FGF14: variants seen among roughly 807,000 people sequenced by gnomAD.
FGF14 encodes fibroblast growth factor homologous factor 4.
Under a neutral mutation model 25.5 loss-of-function variants are expected in FGF14, and 5 were observed. That is an observed-to-expected ratio of 0.20 (90% confidence interval 0.10 to 0.41). The LOEUF (loss-of-function observed/expected upper bound fraction) is 0.41, where lower values mean the gene tolerates loss of function less well. Among genes scored for constraint, FGF14 ranks in the 10% least tolerant of loss-of-function variants. FGF14 has a pLI of 1.00. For missense variants in FGF14, 222 were observed against 320.1 expected (o/e 0.69, Z 2.34); for synonymous variants, 138 against 118.3 (o/e 1.17, Z -1.08).
At chr13:102,371,252 G>A (rs774028308) in intron 1 of FGF14, among the ~76,000 whole-genome samples, 1 of 152,128 alleles carries the variant, frequency 6.6e-6, no homozygotes, top group Non-Finnish European at 1.5e-5. Flanking sequence ...TCTTTAAATC[G>A]AATCACCAAC....
intron 1 of FGF14, among the ~76,000 whole-genome samples, chr13:102,309,403 G>A (rs2055603882): frequency 1.3e-5 from 2 of 152,078 alleles, no homozygotes; most frequent in African/African-American, 4.8e-5. Flanking sequence ...GAAATGACGG[G>A]GCTATCAGCC....
chr13:102,296,874 T>A (rs1172621440), intron 1 of FGF14, among the ~76,000 whole-genome samples: 2 of 152,128 alleles, frequency 1.3e-5, no homozygotes, highest in Non-Finnish European at 2.9e-5. Flanking sequence ...ATCATGGAGA[T>A]AACATAGCTG....
At chr13:102,035,002 C>G (rs1327785048) in intron 1 of FGF14, among the ~76,000 whole-genome samples, 1 of 152,048 alleles carries the variant, frequency 6.6e-6, no homozygotes, top group Non-Finnish European at 1.5e-5. Flanking sequence ...GTGCTGTTTC[C>G]ACCCCATCAC....
chr13:101,743,721 A>T (rs559907636), intron 3 of FGF14, among the ~76,000 whole-genome samples: 1 of 152,270 alleles, frequency 6.6e-6, no homozygotes, highest in East Asian at 1.9e-4. Context: ...TTTGAAAGAG[A>T]AAATAAATAT....
chr13:101,872,970 G>A (rs2045190084), intron 2 of FGF14, among the ~76,000 whole-genome samples: 1 of 151,788 alleles, frequency 6.6e-6, no homozygotes, highest in African/African-American at 2.4e-5. Flanking sequence ...CATTTAGAGT[G>A]TCAGAAGAAA....
At chr13:101,953,175 G>T (rs1338223181) in intron 1 of FGF14, among the ~76,000 whole-genome samples, 2 of 152,214 alleles carry the variant, frequency 1.3e-5, no homozygotes, top group East Asian at 3.9e-4. Flanking sequence ...TGAGAAGTTT[G>T]TCAACATCTC....
At chr13:102,325,494 C>T (rs1330521640) in intron 1 of FGF14, among the ~76,000 whole-genome samples, 1 of 152,040 alleles carries the variant, frequency 6.6e-6, no homozygotes, top group Non-Finnish European at 1.5e-5. Flanking sequence ...TTGTGGGCAC[C>T]GTGGTATTAT....
intron 1 of FGF14, among the ~76,000 whole-genome samples, chr13:102,189,003 AGAAAGAGAAAGAAT>A (rs1466280776): frequency 3.1e-4 from 27 of 87,678 alleles, no homozygotes; most frequent in South Asian, 7.0e-4. Flanking sequence ...AAAGAAAGAA[AGAAAGAGAAAGAAT>A]GAAAGAAGAA....
intron 1 of FGF14, among the ~76,000 whole-genome samples, chr13:102,313,138 T>G (rs1338156234): frequency 6.6e-6 from 1 of 152,202 alleles, no homozygotes; most frequent in Non-Finnish European, 1.5e-5. Context: ...GCAAGGCCCC[T>G]CTGCAAGGTT....
intron 1 of FGF14, among the ~76,000 whole-genome samples, chr13:102,217,687 A>C (rs2050433291): frequency 6.6e-6 from 1 of 152,328 alleles, no homozygotes; most frequent in African/African-American, 2.4e-5. Context: ...AAAGAAAAGT[A>C]ATTAATAAGG....
intron 1 of FGF14, among the ~76,000 whole-genome samples, chr13:101,914,114 G>C (rs907426325): frequency 2.6e-5 from 4 of 151,766 alleles, no homozygotes; most frequent in African/African-American, 9.7e-5. Context: ...AAAATTTTCT[G>C]AGGGCAATTC....
Position 102,055,639 on chromosome 13 carries a change from G to C in FGF14, c.209-180343C>G, listed in dbSNP as rs545099277. 8.5e-5 allele frequency among the ~76,000 whole-genome samples: 13 copies of C among 152,266 alleles called. 1 individual carries two copies. The South Asian group carries it at 2.7e-3, about 32-fold the overall frequency. ...CACACCCATGATACATTTATTAAAG[G>C]AGACATGCGTACTTCTGCCACTTGA... On this transcript the variant is annotated intron_variant, in intron 1 of 4. Coordinates refer to the FGF14 transcript ENST00000376131.
chr13:101,729,289 T>C (rs1014041467), intron 3 of FGF14, among the ~76,000 whole-genome samples: 1 of 152,188 alleles, frequency 6.6e-6, no homozygotes, highest in Non-Finnish European at 1.5e-5. Context: ...TGTTATTGTC[T>C]AATACATTTT....
chr13:102,076,303 G>A (rs992138226), intron 1 of FGF14, among the ~76,000 whole-genome samples: 2 of 152,120 alleles, frequency 1.3e-5, no homozygotes, highest in Non-Finnish European at 2.9e-5. Context: ...TCTATGATTA[G>A]ATATGTTTAG....
intron 3 of FGF14, chr13:101,801,737 T>C (rs2040882348): frequency 6.4e-6 from 1 of 156,368 alleles, no homozygotes; most frequent in African/African-American, 2.4e-5. Flanking sequence ...GAAATGGAAA[T>C]GGAGAATATC....
chr13:101,916,358 G>A, intron 1 of FGF14, 95 bp downstream of exon 1: 12 of 1,490,236 alleles, frequency 8.1e-6, no homozygotes, highest in African/African-American at 1.4e-5. Context: ...GGGGTGGGCC[G>A]GGAAAACCGA....
chr13:101,913,388 T>C (rs1249450766), intron 1 of FGF14, among the ~76,000 whole-genome samples: 1 of 152,114 alleles, frequency 6.6e-6, no homozygotes, highest in African/African-American at 2.4e-5. Context: ...AGTCAACTGG[T>C]ATAAACATCA....
chr13:101,748,526 G>C (rs937744953), intron 3 of FGF14, among the ~76,000 whole-genome samples: 1 of 151,266 alleles, frequency 6.6e-6, no homozygotes, highest in Non-Finnish European at 1.5e-5. Flanking sequence ...TTCTTTAATG[G>C]GTACAACGTA....
At chr13:101,744,572 T>C (rs1274812533) in intron 3 of FGF14, among the ~76,000 whole-genome samples, 2 of 152,044 alleles carry the variant, frequency 1.3e-5, no homozygotes, top group African/African-American at 2.4e-5. Context: ...ATTAAATGAG[T>C]GAATGAATGA....
Sources: gnomAD v4.1 joint callset for allele counts (sites outside exome capture counted in the v4.1 genomes callset) on GRCh38, gnomAD v4.1.1 for gene constraint, MANE v1.5 for transcripts, NCBI Gene and HGNC (gene_info 2026-07-23, HGNC 2026-07-21) for gene names.